The following TANGO6 variants were observed in gnomAD, a reference collection of about 807,000 sequenced individuals.
The protein encoded by TANGO6 is transport and Golgi organization protein 6 homolog.
A neutral mutation model predicts 114.2 loss-of-function variants in TANGO6; 90 were observed. The ratio of observed to expected loss-of-function variants is 0.79; its 90% confidence interval spans 0.66 to 0.94. TANGO6 has a LOEUF of 0.94. Among genes scored for constraint, TANGO6 ranks in the 40% least tolerant of loss-of-function variants. The pLI is 0.00. For synonymous variants in TANGO6, 477 were observed against 509.8 expected, an observed-to-expected ratio of 0.94 and a Z score of 0.87; for missense variants, 1,274 against 1,315.3, an observed-to-expected ratio of 0.97 and a Z score of 0.49.
chr16:68,867,201 C>T lies in TANGO6; in HGVS notation c.975C>T (p.Gly325=), dbSNP rs769914828. 9.3e-6 allele frequency: 15 copies of T among 1,613,754 alleles called. No individual in the cohort carries two copies. The highest frequency in any genetic ancestry group is 1.7e-4 in the Middle Eastern group (1 of 6,050). ...ATGGTGTTCAGGCAGTAGTCCGGGG[C>T]ATTTTGGAAGGAGCAGGTGGTAAGA... ...RPNGVQAVVR[G]ILEGAGAGAA... The change falls in exon 4 of 18, where the codon GGC becomes GGT. Residue 325 remains glycine (G), a synonymous_variant. Coordinates refer to ENST00000261778, the MANE Select transcript of TANGO6 (RefSeq NM_024562.2).
At chr16:68,876,847 G>A (rs944182356) in intron 5 of TANGO6, among the ~76,000 whole-genome samples, 1 of 152,034 alleles carries the variant, frequency 6.6e-6, no homozygotes, top group African/African-American at 2.4e-5. Context: ...AAAACACAGT[G>A]TACCTTGGAG....
At chr16:69,070,275 A>G (rs1471120378) in intron 17 of TANGO6, among the ~76,000 whole-genome samples, 1 of 152,118 alleles carries the variant, frequency 6.6e-6, no homozygotes, top group South Asian at 2.1e-4. Flanking sequence ...AGAGTAGGGC[A>G]TTCCTGAAAG....
At chr16:69,074,229 A>G (rs1000834212) in intron 17 of TANGO6, among the ~76,000 whole-genome samples, 3 of 152,192 alleles carry the variant, frequency 2.0e-5, no homozygotes. Flanking sequence ...GCTAGGGAAA[A>G]CAAATAACAA....
Position 68,860,335 on chromosome 16 carries a change from GGT to G in TANGO6, c.551_552del (p.Cys184PhefsTer2). 3.7e-6 allele frequency: 6 copies of G among 1,613,938 alleles called. No individual in the cohort carries two copies. The highest frequency in any genetic ancestry group is 5.1e-6 in the Non-Finnish European group (6 of 1,179,896). ...AATTTGGTGCCGTCGTTCAAGACGT[GGT>G]GTGTTTTGATGCTGCCCCCGATGCA... is the stretch of plus-strand genomic sequence containing the variant. ...TEFGAVVQDV[V>X]CFDAAPDATR... On this transcript the variant is annotated frameshift_variant, in exon 2 of 18. Transcript: ENST00000261778. LOFTEE classifies it high-confidence loss of function.
chr16:68,868,870 G>T (rs1165773114), intron 4 of TANGO6, among the ~76,000 whole-genome samples: 1 of 152,116 alleles, frequency 6.6e-6, no homozygotes, highest in Non-Finnish European at 1.5e-5. Flanking sequence ...CTCTCACCAT[G>T]TGTGGAAGAG....
At chr16:68,932,084 C>T (rs1004406377) in intron 14 of TANGO6, among the ~76,000 whole-genome samples, 1 of 151,652 alleles carries the variant, frequency 6.6e-6, no homozygotes, top group South Asian at 2.1e-4. Flanking sequence ...CAAAAAAATA[C>T]AATAAAAAAA....
intron 8 of TANGO6, 88 bp from the exon 9 acceptor site, chr16:68,902,240 C>A: frequency 7.5e-7 from 1 of 1,328,568 alleles, no homozygotes; most frequent in Non-Finnish European, 1.0e-6. Flanking sequence ...GCAGTGGAAC[C>A]TGACAGCCTT....
intron 15 of TANGO6, among the ~76,000 whole-genome samples, chr16:69,017,965 G>A (rs557718681): frequency 1.3e-5 from 2 of 148,928 alleles, no homozygotes; most frequent in East Asian, 2.0e-4. Context: ...GTGCAATGGC[G>A]TGATCTCAGC....
At chr16:69,006,877 A>G (rs374072631) in intron 15 of TANGO6, among the ~76,000 whole-genome samples, 57 of 152,328 alleles carry the variant, frequency 3.7e-4, no homozygotes, top group African/African-American at 1.4e-3. Context: ...TCACCATTAC[A>G]ATCAATTTAG....
At chr16:68,878,398 C>A in intron 6 of TANGO6, 118 bp downstream of exon 6, 2 of 1,242,576 alleles carry the variant, frequency 1.6e-6, no homozygotes, top group Non-Finnish European at 1.1e-6. Context: ...CCCCTCCCCC[C>A]AACTTTTTAT....
chr16:68,938,362 A>G (rs754310016), intron 14 of TANGO6, among the ~76,000 whole-genome samples: 2 of 152,186 alleles, frequency 1.3e-5, no homozygotes, highest in Non-Finnish European at 2.9e-5. Context: ...TTAATGAGTG[A>G]CAGCAGTGGG....
chr16:68,886,864 G>T (rs191502626), intron 7 of TANGO6, among the ~76,000 whole-genome samples: 1 of 151,026 alleles, frequency 6.6e-6, no homozygotes, highest in East Asian at 2.0e-4. Flanking sequence ...CTGGAGTGCA[G>T]TTGTGCGATC....
chr16:68,962,911 T>G (rs1422385266), intron 14 of TANGO6, among the ~76,000 whole-genome samples: 3 of 148,098 alleles, frequency 2.0e-5, no homozygotes, highest in Non-Finnish European at 3.0e-5. Flanking sequence ...GGTGAAACCC[T>G]GTCTCTACTC....
chr16:69,080,893 C>G (rs997878468), intron 17 of TANGO6, among the ~76,000 whole-genome samples: 1 of 152,180 alleles, frequency 6.6e-6, no homozygotes, highest in African/African-American at 2.4e-5. Context: ...AATCCCAGCA[C>G]TTTGGGAGGC....
intron 6 of TANGO6, among the ~76,000 whole-genome samples, chr16:68,878,963 C>G (rs1488239286): frequency 1.3e-5 from 2 of 151,994 alleles, no homozygotes; most frequent in African/African-American, 2.4e-5. Flanking sequence ...GTAGCCCCAG[C>G]TAGTTGGGAG....
chr16:69,030,087 G>A (rs1292131923), intron 16 of TANGO6, among the ~76,000 whole-genome samples: 8 of 139,816 alleles, frequency 5.7e-5, no homozygotes, highest in African/African-American at 2.2e-4. Flanking sequence ...CAGCCTGGGC[G>A]ACAGAGCGAG....
Position 68,856,891 on chromosome 16 carries a change from C to T in TANGO6, c.95-2993C>T, listed in dbSNP as rs375214812. Among the ~76,000 whole-genome samples the T allele has an allele frequency of 3.4e-3, 518 of 152,198 alleles. 4 individuals carry two copies. Among genetic ancestry groups the T allele is most frequent in the African/African-American group, 0.012 (489 of 41,546 alleles). Reference sequence around the variant, plus strand: ...TTGGGAGGCTAAGGTGGGCGGATCACGAGGTCAGGAGATCGAGACCGTCCT... The same window carrying T: ...TTGGGAGGCTAAGGTGGGCGGATCATGAGGTCAGGAGATCGAGACCGTCCT... On this transcript the variant is annotated intron_variant, in intron 1 of 17. Transcript: ENST00000261778.
intron 9 of TANGO6, among the ~76,000 whole-genome samples, chr16:68,904,866 A>G (rs1458213815): frequency 6.6e-6 from 1 of 152,142 alleles, no homozygotes; most frequent in Non-Finnish European, 1.5e-5. Flanking sequence ...TGGAAGGCCA[A>G]GGTGTGAGGA....
intron 17 of TANGO6, among the ~76,000 whole-genome samples, chr16:69,079,042 T>C (rs1321278505): frequency 1.3e-5 from 2 of 150,526 alleles, no homozygotes; most frequent in Admixed American, 6.6e-5. Flanking sequence ...AAATAAAATA[T>C]AGGCTGGGTG....
Sources: gnomAD v4.1 joint callset for allele counts (sites outside exome capture counted in the v4.1 genomes callset) on GRCh38, gnomAD v4.1.1 for gene constraint, MANE v1.5 for transcripts, NCBI Gene and HGNC (gene_info 2026-07-23, HGNC 2026-07-21) for gene names.